MSI2: variants seen among roughly 807,000 people sequenced by gnomAD.
MSI2 encodes musashi RNA binding protein 2.
MSI2 carries 17 observed loss-of-function variants against 45.6 expected under a neutral mutation model. The ratio of observed to expected loss-of-function variants is 0.37; its 90% CI spans 0.26 to 0.56. MSI2 has a LOEUF of 0.56. Ranked by LOEUF, MSI2 falls within the 20% of genes least tolerant of loss-of-function variation. The pLI is 0.77. For missense variants in MSI2, 293 were observed against 444.2 expected (o/e 0.66, Z 3.06); for synonymous variants, 156 against 158.2 (o/e 0.99, Z 0.11).
intron 6 of MSI2, among the ~76,000 whole-genome samples, chr17:57,515,965 A>C (rs1172188551): frequency 2.0e-5 from 3 of 152,148 alleles, no homozygotes; most frequent in Admixed American, 6.5e-5. Context: ...TAGGACAAAG[A>C]GCTCTTGTGA....
At chr17:57,489,600 G>T (rs2085827842) in intron 6 of MSI2, among the ~76,000 whole-genome samples, 1 of 152,238 alleles carries the variant, frequency 6.6e-6, no homozygotes, top group Non-Finnish European at 1.5e-5. Context: ...GAACCTCTGT[G>T]GGTTGCGTGC....
intron 11 of MSI2, among the ~76,000 whole-genome samples, chr17:57,653,913 C>T (rs1211691750): frequency 6.6e-6 from 1 of 151,042 alleles, no homozygotes; most frequent in Non-Finnish European, 1.5e-5. Context: ...ACTCCTAACC[C>T]CCAAGGTCAT....
At chr17:57,566,532 T>C (rs532714055) in intron 7 of MSI2, among the ~76,000 whole-genome samples, 2 of 152,254 alleles carry the variant, frequency 1.3e-5, no homozygotes, top group African/African-American at 4.8e-5. Flanking sequence ...TTCCTGCGTT[T>C]ACCTGTGCAG....
intron 6 of MSI2, among the ~76,000 whole-genome samples, chr17:57,498,632 G>A (rs1032119207): frequency 2.0e-5 from 3 of 152,190 alleles, no homozygotes; most frequent in Non-Finnish European, 2.9e-5. Context: ...CCTGTGCCGC[G>A]CGGGGAGCTC....
intron 6 of MSI2, among the ~76,000 whole-genome samples, chr17:57,474,792 C>T (rs1338028280): frequency 6.6e-6 from 1 of 152,244 alleles, no homozygotes; most frequent in Admixed American, 6.5e-5. Context: ...AATCTCAGCT[C>T]ATTGCAACCT....
At chr17:57,264,156 T>C (rs1190650575) in intron 5 of MSI2, 1 of 152,244 alleles carries the variant, frequency 6.6e-6, no homozygotes, top group Non-Finnish European at 1.5e-5. Flanking sequence ...TTCTCATCAT[T>C]GTTCCGGTTG....
At chr17:57,349,337 G>A (rs11657095) in intron 5 of MSI2, among the ~76,000 whole-genome samples, 14,861 of 152,188 alleles carry the variant, frequency 0.098, 909 homozygotes, top group Non-Finnish European at 0.15. Context: ...CCATCCCTGA[G>A]CTCACTAGAG....
At chr17:57,474,698 T>G (rs1238272905) in intron 6 of MSI2, among the ~76,000 whole-genome samples, 1 of 115,256 alleles carries the variant, frequency 8.7e-6, no homozygotes, top group African/African-American at 3.3e-5. Context: ...ACTGTTTTTT[T>G]GTTGTTTTTT....
At chr17:57,318,535 A>C (rs534168043) in intron 5 of MSI2, among the ~76,000 whole-genome samples, 1 of 150,540 alleles carries the variant, frequency 6.6e-6, no homozygotes, top group South Asian at 2.1e-4. Flanking sequence ...GGCCGGAGAA[A>C]TTGTGGGCTG....
chr17:57,558,050 A>G (rs2087479601), intron 7 of MSI2, among the ~76,000 whole-genome samples: 1 of 152,200 alleles, frequency 6.6e-6, no homozygotes, highest in South Asian at 2.1e-4. Flanking sequence ...CTCTCATAAC[A>G]GCCTCCTCCC....
At chr17:57,346,514 A>C (rs992843307) in intron 5 of MSI2, among the ~76,000 whole-genome samples, 3 of 152,254 alleles carry the variant, frequency 2.0e-5, no homozygotes, top group African/African-American at 7.2e-5. Flanking sequence ...GAATAAGTGT[A>C]GTCCAAGCTG....
chr17:57,656,034 G>A (rs533787573), intron 11 of MSI2, among the ~76,000 whole-genome samples: 3 of 152,314 alleles, frequency 2.0e-5, no homozygotes, highest in Admixed American at 6.5e-5. Flanking sequence ...ACTGGTAGCC[G>A]TAGCTGTAGT....
chr17:57,325,654 T>G (rs1394057392), intron 5 of MSI2, among the ~76,000 whole-genome samples: 1 of 152,198 alleles, frequency 6.6e-6, no homozygotes, highest in Non-Finnish European at 1.5e-5. Context: ...GAGTTGGTGT[T>G]GTCATCTCTT....
intron 10 of MSI2, chr17:57,629,622 G>C (rs1211660863): frequency 6.6e-6 from 1 of 152,348 alleles, no homozygotes; most frequent in African/African-American, 2.4e-5. Context: ...CTGTTACTGG[G>C]GGGTGCACGG....
intron 6 of MSI2, among the ~76,000 whole-genome samples, chr17:57,506,559 C>T (rs925038389): frequency 2.0e-5 from 3 of 152,280 alleles, no homozygotes; most frequent in South Asian, 2.1e-4. Flanking sequence ...GTCATCTCAC[C>T]GTCCCCGAGA....
chr17:57,699,659 C>G, the MSI2 span, among the ~76,000 whole-genome samples: 2 of 152,186 alleles, frequency 1.3e-5, no homozygotes, highest in African/African-American at 2.4e-5. Context: ...TTCTCTACCC[C>G]CTGGGAGATT....
chr17:57,445,797 T>G (rs1024317123), intron 6 of MSI2, among the ~76,000 whole-genome samples: 2 of 152,184 alleles, frequency 1.3e-5, no homozygotes, highest in African/African-American at 4.8e-5. Flanking sequence ...TTCCAAAGTG[T>G]GCCCCGTTCT....
At chr17:57,633,478 A>G (rs1397681607) in intron 10 of MSI2, among the ~76,000 whole-genome samples, 1 of 152,186 alleles carries the variant, frequency 6.6e-6, no homozygotes, top group African/African-American at 2.4e-5. Flanking sequence ...AATGCCACAC[A>G]CATCTGGAGC....
the MSI2 span, among the ~76,000 whole-genome samples, chr17:57,690,349 G>A: frequency 1.3e-5 from 2 of 151,744 alleles, no homozygotes; most frequent in Non-Finnish European, 1.5e-5. Flanking sequence ...GGTGGCTTAT[G>A]CCTGTAATCT....
Sources: allele counts gnomAD v4.1 joint callset (sites outside exome capture counted in the v4.1 genomes callset), GRCh38; gene constraint gnomAD v4.1.1; transcripts MANE v1.5; gene names NCBI Gene and HGNC (gene_info 2026-07-23, HGNC 2026-07-21).